The following NUP54 variants were observed in gnomAD, a reference collection of about 807,000 sequenced individuals.
The protein encoded by NUP54 is nucleoporin p54.
NUP54 carries 27 observed loss-of-function variants against 66.4 expected under a neutral mutation model. The observed-to-expected ratio is 0.41, with a 90% CI of 0.30 to 0.56. The LOEUF is 0.56. Among genes scored for constraint, NUP54 ranks in the 20% least tolerant of loss-of-function variants. The pLI is 0.34. For missense variants in NUP54, 486 were observed against 596.3 expected (o/e 0.82, Z 1.93); for synonymous variants, 206 against 210.7 (o/e 0.98, Z 0.19).
At chr4:76,124,540 T>G in intron 9 of NUP54, 109 bp downstream of exon 9, 5 of 432,588 alleles carry the variant, frequency 1.2e-5, no homozygotes, top group Admixed American at 4.2e-5. Context: ...TAATTTCACA[T>G]TATTCTTTCA....
At chr4:76,136,666 G>C (rs1034229761) in intron 3 of NUP54, among the ~76,000 whole-genome samples, 1 of 152,186 alleles carries the variant, frequency 6.6e-6, no homozygotes, top group Non-Finnish European at 1.5e-5. Context: ...AAGTGGAAGA[G>C]TGCGCTCAGA....
At chr4:76,143,993 T>A in intron 3 of NUP54, 156 bp downstream of exon 3, 1 of 722,330 alleles carries the variant, frequency 1.4e-6, no homozygotes. Flanking sequence ...TCTCCCCAGT[T>A]GCTATCATAT....
chr4:76,132,823 C>A, intron 5 of NUP54, 104 bp from the exon 6 acceptor site: 2 of 815,152 alleles, frequency 2.5e-6, no homozygotes, highest in Non-Finnish European at 3.7e-6. Flanking sequence ...AAGTTGAATT[C>A]AGAAATGGTT....
At chr4:76,115,527 A>G in intron 11 of NUP54, 33 bp from the exon 12 acceptor site, 1 of 1,544,390 alleles carries the variant, frequency 6.5e-7, no homozygotes, top group East Asian at 2.3e-5. Flanking sequence ...ATATTAATGT[A>G]TTAATTTCTT....
At position 76,138,836 on chromosome 4, in the gene NUP54, T is replaced by G. The variant is rs111550412; in HGVS notation, c.296-2424A>C. ...GCAATAAGGAGGACTAACAATGAGGTAGGAAAAAACTAGACTGGAGTGTCA... is the reference window on the plus strand; with the variant it reads ...GCAATAAGGAGGACTAACAATGAGGGAGGAAAAAACTAGACTGGAGTGTCA... On this transcript the variant is annotated intron_variant, in intron 3 of 11. Transcript: ENST00000264883. Among the ~76,000 whole-genome samples, 606 of 151,844 alleles carry G rather than the reference T, an allele frequency of 4.0e-3. 6 individuals are homozygous for G. Among genetic ancestry groups the G allele is most frequent in the African/African-American group, 0.014 (584 of 41,406 alleles).
chr4:76,120,356 A>G (rs1406727524), intron 9 of NUP54, among the ~76,000 whole-genome samples: 1 of 151,270 alleles, frequency 6.6e-6, no homozygotes. Context: ...CTTTCCCCAC[A>G]TTCCTGTCAA....
rs143546854 is a variant in NUP54 at position 76,145,370 on chromosome 4, C to CTT, written c.68-899_68-898dup. Among the ~76,000 whole-genome samples, 7 of 150,004 alleles carry CTT rather than the reference C, an allele frequency of 4.7e-5. No individual in the cohort carries two copies. The East Asian group carries it at 5.9e-4, about 13-fold the overall frequency. On this transcript the variant is annotated intron_variant, in intron 1 of 11. Coordinates refer to ENST00000264883, the MANE Select transcript of NUP54 (RefSeq NM_017426.4). ...TGGTTTTTAAACCCTAATTCAACTA[C>CTT]TTTTTTTTGCAAGGAATTCAAATGT... is the stretch of plus-strand genomic sequence containing the variant.
intron 8 of NUP54, among the ~76,000 whole-genome samples, chr4:76,126,735 A>G (rs900559541): frequency 6.6e-6 from 1 of 152,242 alleles, no homozygotes; most frequent in African/African-American, 2.4e-5. Flanking sequence ...TAAAGGACAT[A>G]AAAGACTGCA....
Position 76,117,796 on chromosome 4 carries a change from A to T in NUP54, c.1285-22T>A, listed in dbSNP as rs370268147. Reference sequence around the variant, plus strand: ...GGCCCTAAAAGTTAAGACTGAGTCAAATTACAACTGCCGACGAAGACTTGT... The same window carrying T: ...GGCCCTAAAAGTTAAGACTGAGTCATATTACAACTGCCGACGAAGACTTGT... On this transcript the variant is annotated intron_variant, in intron 10 of 11. Coordinates refer to ENST00000264883, the MANE Select transcript of NUP54 (RefSeq NM_017426.4). 9.3e-5 allele frequency: 145 copies of T among 1,551,918 alleles called. No homozygotes were observed. The African/African-American group carries it at 1.8e-3, about 19-fold the overall frequency.
In NUP54 at chr4:76,148,313, G is replaced by T; in HGVS notation, c.62C>A (p.Pro21His). Residue 21 changes from proline (P) to histidine (H), a missense_variant, in exon 1 of 12, where the codon CCC becomes CAC. This residue lies in a region of NUP54 where 145 missense variants were observed against 137.1 expected (regional missense o/e 1.06). Transcript: ENST00000264883. ...TSGTAAATAA[P>H]AGGFGGFGTT... Reference sequence around the variant, plus strand: ...GGTCTAGGGGGATCACTCACCCGCGGGGGCCGCGGTGGCTGCAGCGGTACC... The same window carrying T: ...GGTCTAGGGGGATCACTCACCCGCGTGGGCCGCGGTGGCTGCAGCGGTACC... The T allele has an allele frequency of 6.6e-7, 1 of 1,514,802 alleles. No homozygotes were observed. The highest frequency in any genetic ancestry group is 2.6e-5 in the East Asian group (1 of 38,910). The allele number at this position is 1,514,802 out of a possible 1,614,324, so 93.8% of individuals were successfully genotyped here.
At chr4:76,122,697 TC>T (rs1730288056) in intron 9 of NUP54, among the ~76,000 whole-genome samples, 1 of 152,196 alleles carries the variant, frequency 6.6e-6, no homozygotes, top group Non-Finnish European at 1.5e-5. Flanking sequence ...GCAATTTCAC[TC>T]CTAGGTTTAT....
chr4:76,146,935 T>C (rs1040390830), intron 1 of NUP54, among the ~76,000 whole-genome samples: 2 of 152,204 alleles, frequency 1.3e-5, no homozygotes, highest in African/African-American at 4.8e-5. Context: ...CTTTCTATAA[T>C]TACAAATCTT....
chr4:76,124,448 TA>T, intron 9 of NUP54, 200 bp downstream of exon 9: 1 of 332,910 alleles, frequency 3.0e-6, no homozygotes, highest in South Asian at 1.0e-4. Context: ...ATACGAACTT[TA>T]GGATATTTTT....
chr4:76,117,759 A>G lies in NUP54; in HGVS notation c.1300T>C (p.Leu434=), dbSNP rs144785979. 6.2e-7 allele frequency: 1 copy of G among 1,613,820 alleles called. No individual in the cohort carries two copies. The highest frequency in any genetic ancestry group is 8.5e-7 in the Non-Finnish European group (1 of 1,179,716). The change falls in exon 11 of 12, where the codon TTG becomes CTG. Residue 434 remains leucine (L), a synonymous_variant. Coordinates refer to ENST00000264883, the MANE Select transcript of NUP54 (RefSeq NM_017426.4). ...PTQFKGRLNE[L]MSQIRMQNHF... ...TTCTGCATCCTGATTTGAGACATCA[A>G]TTCATTTAGTCGGCCCTAAAAGTTA...
At position 76,144,400 on chromosome 4, in the gene NUP54, T is replaced by G; in HGVS notation, c.141A>C (p.Thr47=). The change falls in exon 2 of 12, where the codon ACA becomes ACC. Residue 47 remains threonine, a synonymous_variant. Transcript: ENST00000264883. ...AAGATGGCCTCTTACCAGTAGTGCC[T>G]GTGTTAGTTGGGGCAGAAAAGCTGA... The part of the protein sequence containing the change: ...SAFSFSAPTN[T]GTTGLFGGTQ... 2.5e-6 allele frequency: 4 copies of G among 1,609,096 alleles called. No individual in the cohort carries two copies. Among genetic ancestry groups the G allele is most frequent in the Non-Finnish European group, 3.4e-6 (4 of 1,178,728 alleles).
At chr4:76,131,338 G>T in intron 6 of NUP54, 54 bp from the exon 7 acceptor site, 1 of 1,100,006 alleles carries the variant, frequency 9.1e-7, no homozygotes, top group Non-Finnish European at 1.3e-6. Flanking sequence ...TTTATAATAT[G>T]TGTATGACAA....
intron 9 of NUP54, among the ~76,000 whole-genome samples, chr4:76,119,867 G>A (rs561944386): frequency 5.4e-4 from 82 of 151,892 alleles, no homozygotes; most frequent in African/African-American, 1.9e-3. Context: ...CACATAGACC[G>A]ACTGCTTTTT....
At chr4:76,146,464 T>C (rs1034916367) in intron 1 of NUP54, among the ~76,000 whole-genome samples, 2 of 152,266 alleles carry the variant, frequency 1.3e-5, no homozygotes, top group East Asian at 3.8e-4. Context: ...CATCATCTTG[T>C]CTTTGAAGTT....
At chr4:76,131,700 T>A (rs1730810289) in intron 6 of NUP54, among the ~76,000 whole-genome samples, 1 of 152,088 alleles carries the variant, frequency 6.6e-6, no homozygotes, top group Non-Finnish European at 1.5e-5. Context: ...CTGTTATGAA[T>A]ATAAACGGTA....
Sources: allele counts gnomAD v4.1 joint callset (sites outside exome capture counted in the v4.1 genomes callset), GRCh38; gene constraint gnomAD v4.1.1; regional missense constraint gnomAD v4.1.1; transcripts MANE v1.5; gene names NCBI Gene and HGNC (gene_info 2026-07-23, HGNC 2026-07-21).